Variants in ABLIM3 observed in about 807,000 individuals in gnomAD.
ABLIM3 encodes the protein actin binding LIM protein family member 3.
ABLIM3 carries 61 observed loss-of-function variants against 109.5 expected under a neutral mutation model. The observed-to-expected ratio is 0.56, with a 90% CI of 0.45 to 0.69. The LOEUF is 0.69. Among genes scored for constraint, ABLIM3 ranks in the 30% least tolerant of loss-of-function variants. The probability of loss-of-function intolerance (pLI) is 0.00; values close to 1 mark genes in which losing one functional copy is unlikely to be tolerated. For synonymous variants in ABLIM3, 300 were observed against 324.8 expected (o/e 0.92, Z 0.82); for missense variants, 796 against 889.5 (o/e 0.89, Z 1.34).
At chr5:149,208,758 A>G (rs370146358) in intron 6 of ABLIM3, among the ~76,000 whole-genome samples, 2 of 152,296 alleles carry the variant, frequency 1.3e-5, no homozygotes, top group African/African-American at 2.4e-5. Flanking sequence ...GCGAGGTACT[A>G]TTATCAGCAG....
chr5:149,175,957 G>C (rs1755888760), intron 2 of ABLIM3, among the ~76,000 whole-genome samples: 1 of 152,242 alleles, frequency 6.6e-6, no homozygotes, highest in Admixed American at 6.5e-5. Flanking sequence ...GAGCCTGGCA[G>C]AGAGAAGCTG....
intron 5 of ABLIM3, among the ~76,000 whole-genome samples, chr5:149,204,922 C>T (rs1051226771): frequency 1.3e-5 from 2 of 152,150 alleles, no homozygotes; most frequent in Non-Finnish European, 1.5e-5. Context: ...CACTGAAAGT[C>T]GAAGAGATAG....
At chr5:149,202,563 G>A (rs576004551) in intron 5 of ABLIM3, among the ~76,000 whole-genome samples, 1 of 152,266 alleles carries the variant, frequency 6.6e-6, no homozygotes, top group East Asian at 1.9e-4. Context: ...CCAAAGCCAG[G>A]TATAAGAGAT....
chr5:149,239,142 C>A, intron 11 of ABLIM3, 106 bp from the exon 12 acceptor site: 2 of 1,123,990 alleles, frequency 1.8e-6, no homozygotes, highest in South Asian at 1.3e-5. Context: ...GGAACTGCTG[C>A]AAACCCTCTC....
chr5:149,230,266 G>A (rs1761716420), intron 8 of ABLIM3, among the ~76,000 whole-genome samples: 1 of 152,164 alleles, frequency 6.6e-6, no homozygotes, highest in Non-Finnish European at 1.5e-5. Context: ...CTCCCGCCCA[G>A]AAGAAGCTCT....
chr5:149,183,639 G>A lies in ABLIM3; in HGVS notation c.151+50G>A, dbSNP rs1177995447. On this transcript the variant is annotated intron_variant, in intron 3 of 23. Coordinates refer to ENST00000309868, the MANE Select transcript of ABLIM3 (RefSeq NM_014945.5). The stretch of plus-strand genomic sequence containing the variant: ...TCTTCTTAGATTCCTGACCATTCTT[G>A]CACCATCAGGTCATGCCTCAGGGGC... The A allele has an allele frequency of 2.0e-6, 3 of 1,470,760 alleles. No individual in the cohort carries two copies. The South Asian group carries it at 4.4e-5, about 22-fold the overall frequency. The allele number at this position is 1,470,760 out of a possible 1,614,324, so 91.1% of individuals were successfully genotyped here. A position where few individuals can be genotyped will look rare whatever the true frequency, so the allele number is the denominator to read the frequency against.
At chr5:149,246,395 T>G in intron 16 of ABLIM3, 87 bp from the exon 17 acceptor site, 1 of 1,234,212 alleles carries the variant, frequency 8.1e-7, no homozygotes, top group Non-Finnish European at 1.1e-6. Context: ...GAAAGAAAAG[T>G]GGCTTTTCTT....
chr5:149,228,034 A>T (rs527787741), intron 8 of ABLIM3, among the ~76,000 whole-genome samples: 41 of 152,256 alleles, frequency 2.7e-4, no homozygotes, highest in African/African-American at 9.9e-4. Flanking sequence ...ATCTCTAAGG[A>T]TTTGGGGGCT....
chr5:149,170,971 T>C (rs1755360548), intron 2 of ABLIM3, among the ~76,000 whole-genome samples: 1 of 152,216 alleles, frequency 6.6e-6, no homozygotes. Flanking sequence ...CTCTCCATGG[T>C]ACTTTCCCTA....
chr5:149,194,644 AAC>A (rs1482233035), intron 3 of ABLIM3, among the ~76,000 whole-genome samples: 1 of 152,232 alleles, frequency 6.6e-6, no homozygotes, highest in Non-Finnish European at 1.5e-5. Flanking sequence ...GATGAATCTC[AAC>A]ACACAATACT....
chr5:149,190,513 C>T (rs1031403846), intron 3 of ABLIM3, among the ~76,000 whole-genome samples: 2 of 152,022 alleles, frequency 1.3e-5, no homozygotes, highest in Non-Finnish European at 2.9e-5. Flanking sequence ...AGCCTCTTCT[C>T]TACAAAAAAT....
chr5:149,214,889 A>G (rs751763521), intron 7 of ABLIM3, among the ~76,000 whole-genome samples: 5 of 152,018 alleles, frequency 3.3e-5, no homozygotes, highest in Non-Finnish European at 7.4e-5. Flanking sequence ...GGTCCTCTCA[A>G]ATAGGGCTCT....
In ABLIM3 at chr5:149,142,102, A is replaced by T. The variant is rs1180330962; in HGVS notation, c.7A>T (p.Thr3Ser). The change falls in exon 2 of 24, where the codon ACT becomes TCT. Residue 3 changes from threonine to serine, a missense_variant. Coordinates refer to ENST00000309868, the MANE Select transcript of ABLIM3 (RefSeq NM_014945.5). MN[T>S]SIPYQQNPYN... is the part of the protein sequence containing the mutation. ...CCAGTGCAAAGACATCACCATGAACACTAGCAGTAAGTGGATCCTCCTCTC... is the reference window on the plus strand; with the variant it reads ...CCAGTGCAAAGACATCACCATGAACTCTAGCAGTAAGTGGATCCTCCTCTC... 2 of 1,612,856 alleles carry T rather than the reference A, an allele frequency of 1.2e-6. No individual in the cohort carries two copies. The highest frequency in any genetic ancestry group is 8.5e-7 in the Non-Finnish European group (1 of 1,179,770).
intron 17 of ABLIM3, among the ~76,000 whole-genome samples, chr5:149,247,060 C>G (rs1374068665): frequency 6.6e-6 from 1 of 152,256 alleles, no homozygotes; most frequent in Non-Finnish European, 1.5e-5. Flanking sequence ...AAATGTCCAT[C>G]AGCTCATGAA....
chr5:149,226,399 C>T (rs571049439), intron 8 of ABLIM3, among the ~76,000 whole-genome samples: 18 of 152,180 alleles, frequency 1.2e-4, no homozygotes, highest in African/African-American at 4.1e-4. Flanking sequence ...GCAGGAGAAT[C>T]GCTTGAACCT....
At position 149,200,304 on chromosome 5, in the gene ABLIM3, T is replaced by C; in HGVS notation, c.336-12T>C. ...GAGGGTGTGTTGAATTTCTCCCTCATCCCACTTGCAGGAAGCCTTTCCCCA... is the reference window on the plus strand; with the variant it reads ...GAGGGTGTGTTGAATTTCTCCCTCACCCCACTTGCAGGAAGCCTTTCCCCA... On this transcript the variant is annotated splice_polypyrimidine_tract_variant and intron_variant, in intron 4 of 23. Coordinates refer to ENST00000309868, the MANE Select transcript of ABLIM3 (RefSeq NM_014945.5). 2 of 1,612,940 alleles carry C rather than the reference T, an allele frequency of 1.2e-6. No homozygotes were observed. Among genetic ancestry groups the C allele is most frequent in the Non-Finnish European group, 1.7e-6 (2 of 1,178,920 alleles).
chr5:149,190,505 C>G (rs749915696), intron 3 of ABLIM3, among the ~76,000 whole-genome samples: 7 of 152,022 alleles, frequency 4.6e-5, no homozygotes, highest in Non-Finnish European at 7.4e-5. Flanking sequence ...CATAGCGAAG[C>G]CTCTTCTCTA....
chr5:149,197,133 C>A (rs752058525), intron 3 of ABLIM3, among the ~76,000 whole-genome samples: 2 of 152,112 alleles, frequency 1.3e-5, no homozygotes, highest in African/African-American at 4.8e-5. Context: ...GGGAAAAAAA[C>A]GTCCACGGCT....
chr5:149,217,183 T>G, intron 8 of ABLIM3, 137 bp downstream of exon 8: 1 of 794,686 alleles, frequency 1.3e-6, no homozygotes, highest in Non-Finnish European at 2.1e-6. Flanking sequence ...GAATTGCAAT[T>G]AATTGGCCCC....
Sources: allele counts gnomAD v4.1 joint callset (sites outside exome capture counted in the v4.1 genomes callset), GRCh38; gene constraint gnomAD v4.1.1; transcripts MANE v1.5; gene names NCBI Gene and HGNC (gene_info 2026-07-23, HGNC 2026-07-21).